PDE10A: variants seen among roughly 807,000 people sequenced by gnomAD.
The protein encoded by PDE10A is cAMP and cAMP-inhibited cGMP 3',5'-cyclic phosphodiesterase 10A.
A neutral mutation model predicts 97.7 loss-of-function variants in PDE10A; 39 were observed. The observed-to-expected ratio is 0.40, with a 90% CI of 0.31 to 0.52. The LOEUF (loss-of-function observed/expected upper bound fraction) is 0.52. PDE10A is among the 20% of genes least tolerant of loss of function. The pLI is 0.56. For synonymous variants in PDE10A, 371 were observed against 376.8 expected (o/e 0.98, Z 0.18); for missense variants, 731 against 1,047.8 (o/e 0.70, Z 4.17).
chr6:165,707,373 G>A (rs934957137), intron 1 of PDE10A, among the ~76,000 whole-genome samples: 6 of 152,220 alleles, frequency 3.9e-5, no homozygotes, highest in Admixed American at 2.0e-4. Flanking sequence ...ACTCAGGGGC[G>A]CTCAGAAGGC....
intron 3 of PDE10A, among the ~76,000 whole-genome samples, chr6:165,463,715 G>T (rs958443003): frequency 4.6e-5 from 7 of 152,122 alleles, no homozygotes; most frequent in Non-Finnish European, 1.0e-4. Context: ...CCCCAAAACT[G>T]GCCATAAACA....
chr6:165,720,898 AG>A (rs1037622356), intron 1 of PDE10A, among the ~76,000 whole-genome samples: 67 of 152,290 alleles, frequency 4.4e-4, no homozygotes, highest in African/African-American at 1.6e-3. Flanking sequence ...AGAGGTCCTG[AG>A]GGTCTAAGGA....
intron 1 of PDE10A, among the ~76,000 whole-genome samples, chr6:165,746,723 A>G (rs1342639891): frequency 2.0e-5 from 3 of 152,260 alleles, no homozygotes; most frequent in Non-Finnish European, 2.9e-5. Context: ...CTCCTGGGTC[A>G]GTGGAACACT....
At chr6:165,696,488 T>TA (rs1791447294) in intron 1 of PDE10A, among the ~76,000 whole-genome samples, 1 of 152,086 alleles carries the variant, frequency 6.6e-6, no homozygotes, top group Non-Finnish European at 1.5e-5. Flanking sequence ...TTGTCAGATT[T>TA]AAAAAACATA....
At chr6:165,844,105 C>T (rs968244743) in intron 1 of PDE10A, among the ~76,000 whole-genome samples, 7 of 152,130 alleles carry the variant, frequency 4.6e-5, no homozygotes, top group Admixed American at 3.3e-4. Flanking sequence ...AAAAGGGGAC[C>T]AAGCCAACTT....
At chr6:165,691,140 CCAATTCCTT>C (rs1791275149) in intron 1 of PDE10A, among the ~76,000 whole-genome samples, 1 of 112,604 alleles carries the variant, frequency 8.9e-6, no homozygotes, top group African/African-American at 3.5e-5. Context: ...GTCACATAAG[CCAATTCCTT>C]ACAGTAATAT....
intron 1 of PDE10A, among the ~76,000 whole-genome samples, chr6:165,573,345 G>C (rs545643197): frequency 6.7e-6 from 1 of 149,950 alleles, no homozygotes; most frequent in African/African-American, 2.5e-5. Context: ...TACTAGTCTT[G>C]AACAGTTCCA....
intron 11 of PDE10A, among the ~76,000 whole-genome samples, chr6:165,416,813 C>T (rs949448558): frequency 6.6e-6 from 1 of 152,208 alleles, no homozygotes; most frequent in African/African-American, 2.4e-5. Context: ...GTTTGCAATT[C>T]AAGCACTATA....
At position 165,671,715 on chromosome 6, in the gene PDE10A, T is replaced by C. The variant is rs963579132; in HGVS notation, c.-614-128147A>G. On this transcript the variant is annotated intron_variant, in intron 1 of 19. Coordinates refer to the PDE10A transcript ENST00000366882. This position sits in a 1 kb window ranked among gnomAD's most constrained non-coding sequence, Gnocchi z 4.6. The stretch of plus-strand genomic sequence containing the variant: ...GATATCACACACACACACACACATA[T>C]ATATAGTGTGCTTTATATCATATAT... Among the ~76,000 whole-genome samples the C allele has an allele frequency of 2.0e-5, 3 of 152,114 alleles. No individual in the cohort carries two copies. Among genetic ancestry groups the C allele is most frequent in the African/African-American group, 7.2e-5 (3 of 41,424 alleles).
intron 3 of PDE10A, among the ~76,000 whole-genome samples, chr6:165,466,477 C>T (rs895859833): frequency 2.0e-5 from 3 of 152,214 alleles, no homozygotes; most frequent in Non-Finnish European, 4.4e-5. Flanking sequence ...TTGTGCTTTG[C>T]TTTACTGCTC....
At chr6:165,377,294 C>G (rs1784665990) in intron 18 of PDE10A, among the ~76,000 whole-genome samples, 1 of 152,060 alleles carries the variant, frequency 6.6e-6, no homozygotes, top group South Asian at 2.1e-4. Flanking sequence ...TTTGAAAAAT[C>G]ATAGAAAAAT....
At chr6:165,397,823 A>G (rs1487612395) in intron 13 of PDE10A, among the ~76,000 whole-genome samples, 1 of 152,046 alleles carries the variant, frequency 6.6e-6, no homozygotes, top group Non-Finnish European at 1.5e-5. Context: ...CTCTTGGTCT[A>G]GAGGTTACTA....
chr6:165,799,766 C>A (rs1455401585), intron 1 of PDE10A, among the ~76,000 whole-genome samples: 2 of 152,166 alleles, frequency 1.3e-5, no homozygotes, highest in Non-Finnish European at 2.9e-5. Flanking sequence ...CACCTTCCTC[C>A]CTCTTTTGCA....
chr6:165,388,241 T>C lies in PDE10A; in HGVS notation c.2610+57A>G. ...ATCTTCCTTTTCCACCTATGAAGTATCCCTATCTCCCAGACAGCCCTTCAG... is the reference window on the plus strand; with the variant it reads ...ATCTTCCTTTTCCACCTATGAAGTACCCCTATCTCCCAGACAGCCCTTCAG... On this transcript the variant is annotated intron_variant, in intron 17 of 21. Coordinates refer to ENST00000539869, the MANE Select transcript of PDE10A (RefSeq NM_001385079.1). This position sits in a 1 kb window ranked among gnomAD's most constrained non-coding sequence, Gnocchi z 4.0. The C allele has an allele frequency of 6.6e-7, 1 of 1,524,078 alleles. No homozygotes were observed. 94.4% of individuals were successfully genotyped at this position (1,524,078 alleles called of 1,614,324 possible).
chr6:165,732,129 C>G (rs1282696962), intron 1 of PDE10A, among the ~76,000 whole-genome samples: 1 of 152,222 alleles, frequency 6.6e-6, no homozygotes, highest in Non-Finnish European at 1.5e-5. Context: ...GAATCCTTTG[C>G]TCAGCTGAAG....
At chr6:165,360,285 G>A (rs1783320147) in intron 18 of PDE10A, among the ~76,000 whole-genome samples, 1 of 152,128 alleles carries the variant, frequency 6.6e-6, no homozygotes, top group Non-Finnish European at 1.5e-5. Context: ...GAGAAACTCA[G>A]GCCCAGCCAC....
Position 165,339,349 on chromosome 6 carries a change from T to C in PDE10A, c.2905A>G (p.Met969Val). 1.3e-6 allele frequency: 2 copies of C among 1,590,670 alleles called. No homozygotes were observed. The highest frequency in any genetic ancestry group is 1.7e-6 in the Non-Finnish European group (2 of 1,158,992). ...YAEFWAEGDE[M>V]KKLGIQPIPM... is the part of the protein sequence containing the mutation. ...ATAGGCTGTATTCCCAATTTCTTCATTTCATCACCCTAAGATGAATGGGGA... is the reference window on the plus strand; with the variant it reads ...ATAGGCTGTATTCCCAATTTCTTCACTTCATCACCCTAAGATGAATGGGGA... Residue 969 changes from methionine (M) to valine (V), a missense_variant, in exon 20 of 22, where the codon ATG becomes GTG. This residue lies in a region of PDE10A where 96 missense variants were observed against 156.7 expected (regional missense o/e 0.61). Coordinates refer to ENST00000539869, the MANE Select transcript of PDE10A (RefSeq NM_001385079.1).
chr6:165,682,465 A>T (rs1477628611), intron 1 of PDE10A, among the ~76,000 whole-genome samples: 1 of 152,096 alleles, frequency 6.6e-6, no homozygotes, highest in Non-Finnish European at 1.5e-5. Flanking sequence ...CTAACCCTAT[A>T]CATGATGGTA....
At chr6:165,926,992 T>C (rs1184704645) in intron 1 of PDE10A, among the ~76,000 whole-genome samples, 1 of 150,010 alleles carries the variant, frequency 6.7e-6, no homozygotes, top group Non-Finnish European at 1.5e-5. Context: ...AAAAAGCACA[T>C]GCTATGTTCT....
Sources: allele counts gnomAD v4.1 joint callset (sites outside exome capture counted in the v4.1 genomes callset), GRCh38; gene constraint gnomAD v4.1.1; regional missense constraint gnomAD v4.1.1; non-coding constraint Gnocchi (gnomAD v3.1); transcripts MANE v1.5; gene names NCBI Gene and HGNC (gene_info 2026-07-23, HGNC 2026-07-21).